CTNNA2: variants seen among roughly 807,000 people sequenced by gnomAD.
CTNNA2 encodes the protein catenin alpha 2.
In CTNNA2, 42 loss-of-function variants were observed where a neutral mutation model predicts 101.0. That is an observed-to-expected ratio of 0.42 (90% CI 0.32 to 0.54). The LOEUF (loss-of-function observed/expected upper bound fraction) is 0.54, where lower values mean the gene tolerates loss of function less well. Among genes scored for constraint, CTNNA2 ranks in the 20% least tolerant of loss-of-function variants. The pLI, the probability that CTNNA2 is intolerant of heterozygous loss-of-function variation, is 0.14. For synonymous variants in CTNNA2, 450 were observed against 456.4 expected, an observed-to-expected ratio of 0.99 and a Z score of 0.18; for missense variants, 871 against 1,223.1, an observed-to-expected ratio of 0.71 and a Z score of 4.29.
intron 2 of CTNNA2, among the ~76,000 whole-genome samples, chr2:79,701,997 C>CAAAAA: frequency 1.3e-5 from 1 of 75,434 alleles, no homozygotes; most frequent in Non-Finnish European, 2.5e-5. Flanking sequence ...GACTCTGTCT[C>CAAAAA]AAAAAAAAAA....
intron 7 of CTNNA2, among the ~76,000 whole-genome samples, chr2:79,930,261 AG>A: frequency 2.5e-5 from 1 of 40,812 alleles, no homozygotes; most frequent in Non-Finnish European, 7.2e-5. Flanking sequence ...AAAGAAAGAA[AG>A]AAAGAAAGAA....
intron 7 of CTNNA2, among the ~76,000 whole-genome samples, chr2:80,094,003 A>G (rs1376891218): frequency 6.6e-6 from 1 of 151,964 alleles, no homozygotes; most frequent in Non-Finnish European, 1.5e-5. Flanking sequence ...GAAGCTCTTT[A>G]GTTTAATTAG....
At chr2:79,245,967 C>G (rs1210071859) in intron 2 of CTNNA2, among the ~76,000 whole-genome samples, 3 of 152,200 alleles carry the variant, frequency 2.0e-5, no homozygotes, top group African/African-American at 7.2e-5. Flanking sequence ...CAGCCTGCTT[C>G]TTCATTCTGG....
At chr2:79,629,088 T>A (rs1573515539) in intron 1 of CTNNA2, among the ~76,000 whole-genome samples, 2 of 152,182 alleles carry the variant, frequency 1.3e-5, no homozygotes, top group Non-Finnish European at 2.9e-5. Context: ...ACTCTCCACT[T>A]CCGTCCCTTC....
At chr2:80,549,353 A>G (rs1692363801) in intron 11 of CTNNA2, among the ~76,000 whole-genome samples, 1 of 152,030 alleles carries the variant, frequency 6.6e-6, no homozygotes, top group South Asian at 2.1e-4. Context: ...TTTTAACTCT[A>G]CAGTCTTAAG....
intron 2 of CTNNA2, among the ~76,000 whole-genome samples, chr2:79,667,118 C>T (rs1682474251): frequency 6.6e-6 from 1 of 152,228 alleles, no homozygotes; most frequent in Non-Finnish European, 1.5e-5. Context: ...ATGACCAGAA[C>T]TAACTTTGGT....
intron 10 of CTNNA2, 134 bp from the exon 11 acceptor site, chr2:80,545,773 T>G: frequency 1.4e-6 from 1 of 729,156 alleles, no homozygotes; most frequent in Non-Finnish European, 2.1e-6. Flanking sequence ...TGTGTTTGAT[T>G]GTCCTTCTGA....
intron 18 of CTNNA2, among the ~76,000 whole-genome samples, chr2:80,625,468 T>C (rs72926515): frequency 0.056 from 8,506 of 152,082 alleles, 803 homozygotes; most frequent in African/African-American, 0.19. Context: ...AAGTCAGTGT[T>C]TGGTACACAC....
intron 1 of CTNNA2, among the ~76,000 whole-genome samples, chr2:79,641,193 G>A (rs1349328703): frequency 6.6e-6 from 1 of 152,094 alleles, no homozygotes; most frequent in Admixed American, 6.6e-5. Context: ...CAGTTGTTTT[G>A]GTTTTCTAGA....
At chr2:79,896,925 T>A (rs1383395457) in intron 6 of CTNNA2, among the ~76,000 whole-genome samples, 1 of 152,176 alleles carries the variant, frequency 6.6e-6, no homozygotes, top group Non-Finnish European at 1.5e-5. Context: ...AGAGACCACT[T>A]TGGCAGGAGC....
chr2:80,343,956 G>T (rs987143153), intron 7 of CTNNA2, among the ~76,000 whole-genome samples: 4 of 151,692 alleles, frequency 2.6e-5, no homozygotes, highest in African/African-American at 9.7e-5. Flanking sequence ...TATCCCTTTG[G>T]TAACAAAACT....
At chr2:80,522,745 T>C (rs1480895976) in intron 9 of CTNNA2, among the ~76,000 whole-genome samples, 1 of 151,940 alleles carries the variant, frequency 6.6e-6, no homozygotes, top group Non-Finnish European at 1.5e-5. Context: ...CCCCTCACCT[T>C]CCTCCGTGAT....
At chr2:80,043,085 TTCTTTCTTTCTCTCTCTCTCTCTC>T (rs1696232294) in intron 7 of CTNNA2, among the ~76,000 whole-genome samples, 9 of 39,278 alleles carry the variant, frequency 2.3e-4, no homozygotes, top group East Asian at 7.0e-4. Flanking sequence ...CTTTCTTTCT[TTCTTTCTTTCTCTCTCTCTCTCTC>T]TCTTTCTTTC....
At chr2:79,340,848 A>AAC (rs1677119256) in intron 3 of CTNNA2, among the ~76,000 whole-genome samples, 2 of 149,476 alleles carry the variant, frequency 1.3e-5, no homozygotes, top group Non-Finnish European at 3.0e-5. Context: ...AAAAAAAAAA[A>AAC]AAAAAAGAAA....
At chr2:80,616,335 T>C (rs1311947341) in intron 17 of CTNNA2, 1 of 151,710 alleles carries the variant, frequency 6.6e-6, no homozygotes, top group Non-Finnish European at 1.5e-5. Flanking sequence ...TCTGCTGCTA[T>C]CCACATTTAT....
At chr2:79,816,026 G>T (rs538565463) in intron 3 of CTNNA2, among the ~76,000 whole-genome samples, 7 of 151,938 alleles carry the variant, frequency 4.6e-5, no homozygotes, top group African/African-American at 1.7e-4. Flanking sequence ...TTGTAAAAGG[G>T]GTTTAGTTCC....
chr2:79,644,913 G>A (rs1186508403), intron 1 of CTNNA2, among the ~76,000 whole-genome samples: 2 of 152,040 alleles, frequency 1.3e-5, no homozygotes, highest in African/African-American at 4.8e-5. Context: ...TTCTCTAAAA[G>A]CCGTACGCCA....
chr2:79,220,958 G>T (rs1674337113), intron 2 of CTNNA2, among the ~76,000 whole-genome samples: 1 of 152,176 alleles, frequency 6.6e-6, no homozygotes, highest in African/African-American at 2.4e-5. Flanking sequence ...TAAACATTGA[G>T]ATTGAACTCA....
chr2:79,222,895 C>G (rs892297511), intron 2 of CTNNA2, among the ~76,000 whole-genome samples: 6 of 151,966 alleles, frequency 3.9e-5, no homozygotes, highest in African/African-American at 1.5e-4. Context: ...CATCTGTAAT[C>G]CCAGAACTTT....
Sources: gnomAD v4.1 joint callset for allele counts (sites outside exome capture counted in the v4.1 genomes callset) on GRCh38, gnomAD v4.1.1 for gene constraint, MANE v1.5 for transcripts, NCBI Gene and HGNC (gene_info 2026-07-23, HGNC 2026-07-21) for gene names.